SETD7: variants seen among roughly 807,000 people sequenced by gnomAD.
SETD7 encodes the protein SET domain containing 7, histone lysine methyltransferase, also known as histone-lysine N-methyltransferase SETD7.
In SETD7, 16 loss-of-function variants were observed where a neutral mutation model predicts 41.8. The observed-to-expected ratio is 0.38, with a 90% confidence interval of 0.26 to 0.58. SETD7 has a LOEUF of 0.58. SETD7 is among the 20% of genes least tolerant of loss of function. The probability of loss-of-function intolerance (pLI) is 0.64; values close to 1 mark genes in which losing one functional copy is unlikely to be tolerated. For missense variants in SETD7, 346 were observed against 459.7 expected, an observed-to-expected ratio of 0.75 and a Z score of 2.26; for synonymous variants, 163 against 169.7, an observed-to-expected ratio of 0.96 and a Z score of 0.31.
At chr4:139,520,105 A>T (rs572808473) in intron 6 of SETD7, among the ~76,000 whole-genome samples, 172 bp downstream of exon 6, 26 of 148,890 alleles carry the variant, frequency 1.7e-4, no homozygotes, top group South Asian at 6.2e-4. Flanking sequence ...TGGAACTTTT[A>T]AAAAAAATCG....
In SETD7 at chr4:139,518,108, G is replaced by T. The variant is rs371510774; in HGVS notation, c.763-66C>A. ...TCCCCAAAGGTCAAAGGACATCAGA[G>T]ATATTAACTCATTTATCTTATTATT... On this transcript the variant is annotated intron_variant, in intron 6 of 7. Transcript: ENST00000274031. 25 of 1,471,288 alleles carry T rather than the reference G, an allele frequency of 1.7e-5. No individual in the cohort carries two copies. In the East Asian group the frequency reaches 3.4e-4, roughly 20 times the overall value. The allele number at this position is 1,471,288 out of a possible 1,614,324, so 91.1% of individuals were successfully genotyped here. A position where few individuals can be genotyped will look rare whatever the true frequency, so the allele number is the denominator to read the frequency against.
chr4:139,527,179 A>G (rs1257216673), intron 4 of SETD7, among the ~76,000 whole-genome samples: 3 of 152,254 alleles, frequency 2.0e-5, no homozygotes, highest in African/African-American at 7.2e-5. Context: ...ACTATAGGGA[A>G]TACCATAGAC....
chr4:139,540,463 G>A (rs1450175406), intron 2 of SETD7, among the ~76,000 whole-genome samples: 1 of 152,220 alleles, frequency 6.6e-6, no homozygotes, highest in East Asian at 1.9e-4. Flanking sequence ...GGTAGCAGAT[G>A]TAGTGAAAAA....
At chr4:139,554,517 G>A (rs758345464) in intron 1 of SETD7, among the ~76,000 whole-genome samples, 15 of 152,296 alleles carry the variant, frequency 9.8e-5, no homozygotes, top group Admixed American at 2.0e-4. Flanking sequence ...TTCACAACAT[G>A]GAGGCACAAG....
At chr4:139,530,061 C>G (rs575058040) in intron 3 of SETD7, among the ~76,000 whole-genome samples, 1 of 152,142 alleles carries the variant, frequency 6.6e-6, no homozygotes, top group East Asian at 1.9e-4. Context: ...GTGGTAGGGA[C>G]ACAGTAGGTG....
chr4:139,544,652 A>G (rs1289777354), intron 2 of SETD7, among the ~76,000 whole-genome samples: 1 of 152,212 alleles, frequency 6.6e-6, no homozygotes, highest in Non-Finnish European at 1.5e-5. Context: ...ACACTGGTTC[A>G]GAATTTTAGT....
intron 7 of SETD7, among the ~76,000 whole-genome samples, chr4:139,499,547 C>G (rs57122092): frequency 6.6e-6 from 1 of 152,144 alleles, no homozygotes; most frequent in Admixed American, 6.5e-5. Flanking sequence ...GCCACCTGGT[C>G]CCAAGACCCC....
chr4:139,509,889 G>C lies in SETD7; in HGVS notation c.*1774C>G. The C allele has an allele frequency of 1.0e-6, 1 of 985,306 alleles. No homozygotes were observed. The highest frequency in any genetic ancestry group is 1.2e-6 in the Non-Finnish European group (1 of 829,856). 61.0% of individuals were successfully genotyped at this position (985,306 alleles called of 1,614,324 possible). On this transcript the variant is annotated 3_prime_UTR_variant, in exon 8 of 8. Transcript: ENST00000274031. The stretch of plus-strand genomic sequence containing the variant: ...ACCATTGGCTTAAGCTTTCAAGCAG[G>C]GATCCAACTGGATCTCCCTGAAACC...
downstream of SETD7, among the ~76,000 whole-genome samples, chr4:139,503,741 G>A (rs1034782829): frequency 3.3e-5 from 5 of 152,218 alleles, no homozygotes; most frequent in South Asian, 1.0e-3. Context: ...TCATGATGCA[G>A]ATGAGGCAGA....
Position 139,543,354 on chromosome 4 carries a change from T to C in SETD7, c.170+3566A>G, listed in dbSNP as rs572292899. 1.3e-3 allele frequency among the ~76,000 whole-genome samples: 201 copies of C among 152,342 alleles called. 3 individuals carry two copies. In the South Asian group the frequency reaches 0.019, roughly 14 times the overall value. ...ATCTGCCTTAGAAAACCCTGGTAGATTCTCGACCTTTTATTCAGTTGTAAG... is the reference window on the plus strand; with the variant it reads ...ATCTGCCTTAGAAAACCCTGGTAGACTCTCGACCTTTTATTCAGTTGTAAG... On this transcript the variant is annotated intron_variant, in intron 2 of 7. Transcript: ENST00000274031.
intron 7 of SETD7, among the ~76,000 whole-genome samples, chr4:139,512,621 A>G (rs562203071): frequency 6.6e-6 from 1 of 152,330 alleles, no homozygotes; most frequent in Admixed American, 6.5e-5. Context: ...AATAAGCAAT[A>G]AATAGACTTA....
intron 3 of SETD7, among the ~76,000 whole-genome samples, chr4:139,532,306 A>T (rs1727502409): frequency 1.3e-5 from 2 of 151,998 alleles, no homozygotes; most frequent in Admixed American, 1.3e-4. Context: ...AGATGTGATG[A>T]CATAGGCCTG....
In SETD7 at chr4:139,508,229, G is replaced by T. The variant is rs1409354184; in HGVS notation, c.*3434C>A. 1 of 152,128 alleles carries T rather than the reference G, an allele frequency of 6.6e-6. No homozygotes were observed. Among genetic ancestry groups the T allele is most frequent in the Non-Finnish European group, 1.5e-5 (1 of 68,026 alleles). The allele number at this position is 152,128 out of a possible 1,614,324, so 9.4% of individuals were successfully genotyped here. A position where few individuals can be genotyped will look rare whatever the true frequency, so the allele number is the denominator to read the frequency against. ...GTGATAAGGAAATAGTTTTTCGAGT[G>T]TGAAGAACCCCCATAGGGCAAATAG... On this transcript the variant is annotated 3_prime_UTR_variant, in exon 8 of 8. Transcript: ENST00000274031.
chr4:139,540,373 T>C (rs1407139285), intron 2 of SETD7, among the ~76,000 whole-genome samples: 1 of 152,212 alleles, frequency 6.6e-6, no homozygotes, highest in Non-Finnish European at 1.5e-5. Flanking sequence ...CTATGGCTGA[T>C]GAGTAACTTC....
chr4:139,537,696 T>G (rs570296520), intron 2 of SETD7, among the ~76,000 whole-genome samples: 1 of 152,326 alleles, frequency 6.6e-6, no homozygotes, highest in East Asian at 1.9e-4. Context: ...TGATAATTCC[T>G]AAGCAAAAGA....
At chr4:139,512,697 T>A (rs1281632157) in intron 7 of SETD7, among the ~76,000 whole-genome samples, 1 of 152,074 alleles carries the variant, frequency 6.6e-6, no homozygotes, top group Non-Finnish European at 1.5e-5. Context: ...GCTTTATTTT[T>A]ATATGCATCT....
chr4:139,503,179 GAAA>G (rs11388022), downstream of SETD7, among the ~76,000 whole-genome samples: 4 of 73,166 alleles, frequency 5.5e-5, no homozygotes, highest in Non-Finnish European at 9.2e-5. Context: ...CTCTGTCTCA[GAAA>G]AAAAAAAAAA....
At chr4:139,534,104 C>G (rs181555235) in intron 2 of SETD7, among the ~76,000 whole-genome samples, 9 of 152,152 alleles carry the variant, frequency 5.9e-5, no homozygotes, top group African/African-American at 1.9e-4. Flanking sequence ...GACCCACGGT[C>G]CTATACCAGA....
At chr4:139,533,083 T>C in intron 3 of SETD7, 82 bp downstream of exon 3, 1 of 1,310,352 alleles carries the variant, frequency 7.6e-7, no homozygotes, top group Non-Finnish European at 1.1e-6. Context: ...TCCCAAGTTC[T>C]AACACAGAAT....
Sources: allele counts gnomAD v4.1 joint callset (sites outside exome capture counted in the v4.1 genomes callset), GRCh38; gene constraint gnomAD v4.1.1; transcripts MANE v1.5; gene names NCBI Gene and HGNC (gene_info 2026-07-23, HGNC 2026-07-21).